The following AKAP12 variants were observed in gnomAD, a reference collection of about 807,000 sequenced individuals.
The protein encoded by AKAP12 is A-kinase anchoring protein 12.
In AKAP12, 32 loss-of-function variants were observed where a neutral mutation model predicts 79.9. The ratio of observed to expected loss-of-function variants is 0.40; its 90% CI spans 0.30 to 0.54. The LOEUF (loss-of-function observed/expected upper bound fraction) is 0.54, where lower values mean the gene tolerates loss of function less well. Ranked by LOEUF, AKAP12 falls within the 20% of genes least tolerant of loss-of-function variation. The pLI is 0.48. For missense variants in AKAP12, 2,074 were observed against 2,177.0 expected (o/e 0.95, Z 0.94); for synonymous variants, 808 against 857.0 (o/e 0.94, Z 1.00).
chr6:151,315,658 A>G lies in AKAP12; in HGVS notation c.319+9755A>G, dbSNP rs114699724. 5.7e-3 allele frequency among the ~76,000 whole-genome samples: 868 copies of G among 152,282 alleles called. 8 individuals are homozygous for G. The highest frequency in any genetic ancestry group is 0.02 in the African/African-American group (827 of 41,538). On this transcript the variant is annotated intron_variant, in intron 3 of 4. Coordinates refer to ENST00000402676, the MANE Select transcript of AKAP12 (RefSeq NM_005100.4). ...TAGTAACTTTTACATGATTAAGGCA[A>G]TGATATAGTCTAGAGCATGATGTCC...
intron 3 of AKAP12, among the ~76,000 whole-genome samples, chr6:151,334,304 T>C (rs1396498376): frequency 6.6e-6 from 1 of 152,082 alleles, no homozygotes; most frequent in Non-Finnish European, 1.5e-5. Flanking sequence ...GATTTGAAAG[T>C]GCATCTCAGC....
At chr6:151,323,553 C>G (rs1166684107) in intron 3 of AKAP12, among the ~76,000 whole-genome samples, 1 of 134,990 alleles carries the variant, frequency 7.4e-6, no homozygotes, top group Non-Finnish European at 1.6e-5. Flanking sequence ...GACTCCATCT[C>G]AAAAAAAAAA....
At chr6:151,284,489 G>A (rs1156443750) in intron 2 of AKAP12, among the ~76,000 whole-genome samples, 2 of 152,168 alleles carry the variant, frequency 1.3e-5, no homozygotes, top group African/African-American at 2.4e-5. Flanking sequence ...TTAGCTGGGT[G>A]TGGCAGTGTG....
intron 2 of AKAP12, among the ~76,000 whole-genome samples, chr6:151,269,516 A>C (rs1048467867): frequency 1.3e-5 from 2 of 152,100 alleles, no homozygotes; most frequent in Non-Finnish European, 2.9e-5. Context: ...TTGCCATGAC[A>C]CTTCAGTGTT....
chr6:151,280,216 G>A (rs1024840471), intron 2 of AKAP12, among the ~76,000 whole-genome samples: 16 of 151,842 alleles, frequency 1.1e-4, no homozygotes, highest in African/African-American at 3.9e-4. Flanking sequence ...TTTACTGATT[G>A]ACATTTAAGT....
chr6:151,256,948 C>A (rs868851950), intron 2 of AKAP12, among the ~76,000 whole-genome samples: 2 of 145,842 alleles, frequency 1.4e-5, no homozygotes, highest in Non-Finnish European at 3.0e-5. Flanking sequence ...CGCGCCCGGC[C>A]TATATATATA....
intron 2 of AKAP12, among the ~76,000 whole-genome samples, chr6:151,293,190 A>G (rs559910881): frequency 1.8e-4 from 27 of 152,348 alleles, no homozygotes; most frequent in Admixed American, 1.8e-3. Context: ...TTATTTTACT[A>G]CCAAATGAGG....
chr6:151,294,547 A>G (rs1124265), intron 2 of AKAP12, among the ~76,000 whole-genome samples: 13,232 of 152,244 alleles, frequency 0.087, 763 homozygotes, highest in East Asian at 0.29. Flanking sequence ...GGGTTTGCCA[A>G]CATTACAAGG....
At chr6:151,315,686 G>A (rs1777218285) in intron 3 of AKAP12, among the ~76,000 whole-genome samples, 2 of 152,168 alleles carry the variant, frequency 1.3e-5, no homozygotes, top group Non-Finnish European at 2.9e-5. Flanking sequence ...TGATGTCCCT[G>A]TATTATAGTG....
In AKAP12 at chr6:151,327,647, A is replaced by T. The variant is rs112142367; in HGVS notation, c.320-21064A>T. The stretch of plus-strand genomic sequence containing the variant: ...TTTAGCAGTAATTAAAGGTTAATAA[A>T]CTGGGAGCACTTGAGGGGGCTTGTA... On this transcript the variant is annotated intron_variant, in intron 3 of 4. Transcript: ENST00000402676. Among the ~76,000 whole-genome samples, 931 of 152,332 alleles carry T rather than the reference A, an allele frequency of 6.1e-3. 9 individuals are homozygous for T. The highest frequency in any genetic ancestry group is 0.021 in the African/African-American group (861 of 41,582).
intron 2 of AKAP12, among the ~76,000 whole-genome samples, chr6:151,252,753 AAGAT>A (rs1246243077): frequency 1.3e-5 from 2 of 151,662 alleles, no homozygotes; most frequent in African/African-American, 2.4e-5. Context: ...AAAAAAAAAA[AAGAT>A]GAGAAAACGA....
intron 2 of AKAP12, among the ~76,000 whole-genome samples, chr6:151,263,731 C>G (rs1357414680): frequency 6.6e-6 from 1 of 152,056 alleles, no homozygotes; most frequent in Non-Finnish European, 1.5e-5. Context: ...GGCATCCGCA[C>G]CCACACCTGG....
chr6:151,316,054 A>G (rs1320727617), intron 3 of AKAP12, among the ~76,000 whole-genome samples: 1 of 152,114 alleles, frequency 6.6e-6, no homozygotes, highest in Admixed American at 6.5e-5. Context: ...GGGTGGGGAC[A>G]CAGACAAACC....
In AKAP12 at chr6:151,356,731, T is replaced by C. The variant is rs1349882032; in HGVS notation, c.*1017T>C. On this transcript the variant is annotated 3_prime_UTR_variant, in exon 5 of 5. Transcript: ENST00000402676. ...GTTGCAACACATTCATTTGGATAAGTTGTGATTTGACGACTGATTTAAATA... is the reference window on the plus strand; with the variant it reads ...GTTGCAACACATTCATTTGGATAAGCTGTGATTTGACGACTGATTTAAATA... The C allele has an allele frequency of 2.0e-5, 3 of 152,248 alleles. No individual in the cohort carries two copies. The highest frequency in any genetic ancestry group is 1.9e-4 in the East Asian group (1 of 5,204). 9.4% of individuals were successfully genotyped at this position (152,248 alleles called of 1,614,324 possible).
intron 3 of AKAP12, chr6:151,348,326 A>T (rs2114821178): frequency 1.7e-5 from 1 of 59,458 alleles, no homozygotes; most frequent in East Asian, 3.8e-4. Context: ...CTCTGTCTCA[A>T]AAAAAAAAAA....
At chr6:151,354,241 A>C in intron 4 of AKAP12, among the ~76,000 whole-genome samples, 1 of 152,234 alleles carries the variant, frequency 6.6e-6, no homozygotes, top group South Asian at 2.1e-4. Context: ...TCTTTCAGAA[A>C]AAATGGATTT....
intron 2 of AKAP12, among the ~76,000 whole-genome samples, chr6:151,254,793 C>A (rs1322251377): frequency 6.6e-6 from 1 of 152,178 alleles, no homozygotes; most frequent in Admixed American, 6.5e-5. Context: ...AGAGGGCTTA[C>A]AATTTTATCT....
At chr6:151,259,381 CCTT>C (rs1410320695) in intron 2 of AKAP12, among the ~76,000 whole-genome samples, 7 of 149,626 alleles carry the variant, frequency 4.7e-5, no homozygotes, top group Non-Finnish European at 1.0e-4. Flanking sequence ...CCTAGGTACT[CCTT>C]CTTTTAAAAA....
intron 3 of AKAP12, among the ~76,000 whole-genome samples, chr6:151,309,171 G>T (rs974287831): frequency 6.6e-6 from 1 of 152,046 alleles, no homozygotes; most frequent in Non-Finnish European, 1.5e-5. Context: ...CACCGTGCCC[G>T]GCTCGCTCAT....
Sources: gnomAD v4.1 joint callset for allele counts (sites outside exome capture counted in the v4.1 genomes callset) on GRCh38, gnomAD v4.1.1 for gene constraint, MANE v1.5 for transcripts, NCBI Gene and HGNC (gene_info 2026-07-23, HGNC 2026-07-21) for gene names.